Variants in BCL11A observed in about 807,000 individuals in gnomAD.
BCL11A encodes BCL11 transcription factor A.
Under a neutral mutation model 55.9 loss-of-function variants are expected in BCL11A, and 2 were observed. The ratio of observed to expected loss-of-function variants is 0.04; its 90% CI spans 0.01 to 0.11. The LOEUF (loss-of-function observed/expected upper bound fraction) is 0.11. BCL11A is among the 10% of genes least tolerant of loss of function. The pLI is 1.00. For synonymous variants in BCL11A, 465 were observed against 473.4 expected, an observed-to-expected ratio of 0.98 and a Z score of 0.23; for missense variants, 817 against 1,137.1, an observed-to-expected ratio of 0.72 and a Z score of 4.05.
intron 3 of BCL11A, among the ~76,000 whole-genome samples, chr2:60,467,252 ATGG>A (rs1322270014): frequency 3.7e-5 from 1 of 27,176 alleles, no homozygotes; most frequent in Non-Finnish European, 7.4e-5. Flanking sequence ...GGTGGTGGTA[ATGG>A]TGGTGGTGGT....
At chr2:60,538,121 G>C (rs1036441934) in intron 2 of BCL11A, 3 of 152,234 alleles carry the variant, frequency 2.0e-5, no homozygotes, top group African/African-American at 7.2e-5. Flanking sequence ...ATCTGGAAAA[G>C]GGTGTGCAAG....
At chr2:60,507,376 A>AGGGAAGGGAAGGGAAGGGAG (rs1558653162) in intron 2 of BCL11A, among the ~76,000 whole-genome samples, 1 of 26,772 alleles carries the variant, frequency 3.7e-5, no homozygotes. Context: ...AGGGAAGGGA[A>AGGGAAGGGAAGGGAAGGGAG]GGGAGGGAGG....
chr2:60,458,922 A>G lies in BCL11A; in HGVS notation c.*1482T>C. ...TCTTCCATGTTAACACAAATAGCAC[A>G]CAGTGTATGGAAAAGAAATGAAGTA... On this transcript the variant is annotated 3_prime_UTR_variant, in exon 4 of 4. Coordinates refer to ENST00000642384, the MANE Select transcript of BCL11A (RefSeq NM_022893.4). 9 of 1,034,320 alleles carry G rather than the reference A, an allele frequency of 8.7e-6. No homozygotes were observed. Among genetic ancestry groups the G allele is most frequent in the Non-Finnish European group, 1.0e-5 (9 of 859,038 alleles). 64.1% of individuals were successfully genotyped at this position (1,034,320 alleles called of 1,614,324 possible). A position where few individuals can be genotyped will look rare whatever the true frequency, so the allele number is the denominator to read the frequency against.
chr2:60,462,167 T>G lies in BCL11A; in HGVS notation c.745A>C (p.Arg249=), dbSNP rs546443165. The G allele has an allele frequency of 9.5e-6, 15 of 1,580,448 alleles. No homozygotes were observed. In the African/African-American group the frequency reaches 1.8e-4, roughly 18 times the overall value. ...CCTTCTGCCAGGCCGGAAGCCTCTCTCGATACTGATCCTGGTATTCTTAGC... is the reference window on the plus strand; with the variant it reads ...CCTTCTGCCAGGCCGGAAGCCTCTCGCGATACTGATCCTGGTATTCTTAGC... ...NLLRIPGSVS[R]EASGLAEGRF... The change falls in exon 4 of 4, where the codon AGA becomes CGA. Residue 249 remains arginine, a synonymous_variant. Transcript: ENST00000642384.
At chr2:60,522,957 T>C (rs893717591) in intron 2 of BCL11A, 5 of 152,168 alleles carry the variant, frequency 3.3e-5, no homozygotes, top group African/African-American at 9.7e-5. Flanking sequence ...AGGTCTACAA[T>C]AAAACCTATT....
chr2:60,551,619 A>G (rs919290239), intron 1 of BCL11A, among the ~76,000 whole-genome samples: 3 of 152,366 alleles, frequency 2.0e-5, no homozygotes, highest in Non-Finnish European at 2.9e-5. Context: ...GTTGCCCTGC[A>G]AAATAAAAAT....
chr2:60,487,501 C>G (rs1020148983), intron 2 of BCL11A, among the ~76,000 whole-genome samples: 1 of 152,026 alleles, frequency 6.6e-6, no homozygotes, highest in African/African-American at 2.4e-5. Flanking sequence ...ATAGAACATA[C>G]TAATCAACAT....
At position 60,461,790 on chromosome 2, in the gene BCL11A, G is replaced by C; in HGVS notation, c.1122C>G (p.Val374=). 1.2e-6 allele frequency: 2 copies of C among 1,604,924 alleles called. No individual in the cohort carries two copies. Among genetic ancestry groups the C allele is most frequent in the Non-Finnish European group, 1.7e-6 (2 of 1,175,940 alleles). ...QSAPPPSQPP[V]KSKSCEFCGK... Reference sequence around the variant, plus strand: ...CGCAGAACTCGCATGACTTGGACTTGACCGGGGGCTGGGAGGGAGGAGGGG... The same window carrying C: ...CGCAGAACTCGCATGACTTGGACTTCACCGGGGGCTGGGAGGGAGGAGGGG... The change falls in exon 4 of 4, where the codon GTC becomes GTG. Residue 374 remains valine (V), a synonymous_variant. Coordinates refer to ENST00000642384, the MANE Select transcript of BCL11A (RefSeq NM_022893.4).
intron 1 of BCL11A, among the ~76,000 whole-genome samples, chr2:60,551,482 C>T (rs1245483893): frequency 6.6e-6 from 1 of 152,148 alleles, no homozygotes; most frequent in Non-Finnish European, 1.5e-5. Context: ...GTGACCAGAC[C>T]GGGCGGGGTG....
intron 2 of BCL11A, chr2:60,543,181 T>C (rs946780211): frequency 2.6e-5 from 4 of 152,232 alleles, no homozygotes; most frequent in African/African-American, 9.6e-5. Context: ...GAAGAAGATC[T>C]GTCACTGTTT....
At chr2:60,530,644 G>A (rs1669409409) in intron 2 of BCL11A, among the ~76,000 whole-genome samples, 1 of 150,198 alleles carries the variant, frequency 6.7e-6, no homozygotes, top group Non-Finnish European at 1.5e-5. Flanking sequence ...CAAAAGACCA[G>A]GGAGCATTTG....
intron 1 of BCL11A, among the ~76,000 whole-genome samples, chr2:60,547,461 G>A (rs1256036879): frequency 6.7e-5 from 10 of 148,464 alleles, no homozygotes; most frequent in Admixed American, 1.3e-4. Context: ...TTCCAAAGGG[G>A]AAAAGAGAGT....
intron 3 of BCL11A, among the ~76,000 whole-genome samples, chr2:60,468,128 GTGGTGGTGA>G (rs1676993349): frequency 6.8e-6 from 1 of 147,700 alleles, no homozygotes; most frequent in Non-Finnish European, 1.5e-5. Context: ...GGTTGTGGTG[GTGGTGGTGA>G]TGGTGGTGGT....
downstream of BCL11A, among the ~76,000 whole-genome samples, chr2:60,456,334 C>A (rs887119652): frequency 2.0e-5 from 3 of 152,202 alleles, no homozygotes; most frequent in Admixed American, 1.3e-4. Context: ...CTGCAACATG[C>A]AGTATTTGTA....
In BCL11A at chr2:60,553,325, G is replaced by C. The variant is rs774153690; in HGVS notation, c.-55C>G. 2.7e-6 allele frequency: 4 copies of C among 1,506,518 alleles called. No individual in the cohort carries two copies. The South Asian group carries it at 3.7e-5, about 14-fold the overall frequency. 93.3% of individuals were successfully genotyped at this position (1,506,518 alleles called of 1,614,324 possible). On this transcript the variant is annotated 5_prime_UTR_variant, in exon 1 of 4. Coordinates refer to ENST00000642384, the MANE Select transcript of BCL11A (RefSeq NM_022893.4). The stretch of plus-strand genomic sequence containing the variant: ...GCGGCGGCGGCGGCGGGCGGACGAC[G>C]GCTCGGTTCACATCGGGAGAGCCGG...
At chr2:60,490,529 C>T (rs764024160) in intron 2 of BCL11A, among the ~76,000 whole-genome samples, 4 of 152,238 alleles carry the variant, frequency 2.6e-5, no homozygotes, top group Admixed American at 1.3e-4. Context: ...CCTGCTCATA[C>T]TTCAAGGCCT....
At chr2:60,463,623 A>G (rs1349559965) in intron 3 of BCL11A, among the ~76,000 whole-genome samples, 6 of 152,212 alleles carry the variant, frequency 3.9e-5, no homozygotes, top group South Asian at 2.1e-4. Flanking sequence ...TTGACTTCAC[A>G]AAATATTTCA....
intron 2 of BCL11A, among the ~76,000 whole-genome samples, chr2:60,540,530 G>A (rs1001225873): frequency 6.6e-6 from 1 of 152,094 alleles, no homozygotes; most frequent in Non-Finnish European, 1.5e-5. Flanking sequence ...TGACCAGCAC[G>A]CAAAGCCACC....
chr2:60,455,945 C>T (rs1405065862), downstream of BCL11A, among the ~76,000 whole-genome samples: 1 of 152,106 alleles, frequency 6.6e-6, no homozygotes, highest in Non-Finnish European at 1.5e-5. Flanking sequence ...CAGTGACAAA[C>T]ATCAAGTTCT....
Sources: gnomAD v4.1 joint callset for allele counts (sites outside exome capture counted in the v4.1 genomes callset) on GRCh38, gnomAD v4.1.1 for gene constraint, MANE v1.5 for transcripts, NCBI Gene and HGNC (gene_info 2026-07-23, HGNC 2026-07-21) for gene names.